The following APTX variants were observed in gnomAD, a reference collection of about 807,000 sequenced individuals.
APTX encodes aprataxin.
In APTX, 33 loss-of-function variants were observed where a neutral mutation model predicts 42.3. The observed-to-expected ratio is 0.78, with a 90% CI of 0.59 to 1.04. The LOEUF (loss-of-function observed/expected upper bound fraction) is 1.04, where lower values mean the gene tolerates loss of function less well. Ranked by LOEUF, APTX falls within the 50% of genes least tolerant of loss-of-function variation. APTX has a pLI of 0.00. For synonymous variants in APTX, 130 were observed against 146.7 expected, an observed-to-expected ratio of 0.89 and a Z score of 0.82; for missense variants, 421 against 415.1, an observed-to-expected ratio of 1.01 and a Z score of -0.12.
chr9:33,021,814 A>G (rs1207562428), intron 1 of APTX, among the ~76,000 whole-genome samples: 1 of 152,208 alleles, frequency 6.6e-6, no homozygotes, highest in African/African-American at 2.4e-5. Context: ...CAGATGGAAT[A>G]AAAAATTTAA....
chr9:33,000,506 T>G (rs568903692), intron 1 of APTX, among the ~76,000 whole-genome samples: 1 of 150,750 alleles, frequency 6.6e-6, no homozygotes, highest in Non-Finnish European at 1.5e-5. Context: ...CACACGCCTG[T>G]AATCCCAGCT....
upstream of APTX, among the ~76,000 whole-genome samples, chr9:33,001,904 T>G (rs1186750616): frequency 5.3e-5 from 8 of 152,164 alleles, no homozygotes; most frequent in African/African-American, 1.9e-4. Context: ...TGTGGACGTT[T>G]CTAGGTGGCT....
intron 1 of APTX, among the ~76,000 whole-genome samples, chr9:32,999,821 A>C (rs955196465): frequency 1.6e-4 from 25 of 152,262 alleles, no homozygotes; most frequent in Non-Finnish European, 2.5e-4. Flanking sequence ...TAAAAAATAC[A>C]AAAAATTAGC....
Position 32,973,544 on chromosome 9 carries a change from G to A in APTX, c.983C>T (p.Ser328Phe). The A allele has an allele frequency of 3.7e-6, 6 of 1,614,072 alleles. No homozygotes were observed. Among genetic ancestry groups the A allele is most frequent in the Non-Finnish European group, 5.1e-6 (6 of 1,180,024 alleles). The change falls in exon 8 of 8, where the codon TCC becomes TTC. Residue 328 changes from serine to phenylalanine, a missense_variant. By Grantham distance (155) the Ser-to-Phe change is radical (BLOSUM62 -2). Coordinates refer to ENST00000379817, the MANE Select transcript of APTX (RefSeq NM_001195248.2). ...RCHECQQLLP[S>F]IPQLKEHLRK... ...GAGATGTTCTTTCAGCTGAGGAATGGAAGGCAGCAGCTGCTGGCACTCATG... is the reference window on the plus strand; with the variant it reads ...GAGATGTTCTTTCAGCTGAGGAATGAAAGGCAGCAGCTGCTGGCACTCATG...
At position 33,018,164 on chromosome 9, in the gene APTX, G is replaced by A. The variant is rs1264213854; in HGVS notation, c.-5+6859C>T. ...CTCACTCTGTCACCCAGGCTGGAGC[G>A]CGGTGGCACGATCTCAGCTTACTGC... is the stretch of plus-strand genomic sequence containing the variant. On this transcript the variant is annotated intron_variant, in intron 1 of 6. Transcript: ENST00000436040. Among the ~76,000 whole-genome samples the A allele has an allele frequency of 1.1e-4, 17 of 150,006 alleles. No homozygotes were observed. The East Asian group carries it at 1.2e-3, about 11-fold the overall frequency.
chr9:33,017,776 G>A (rs1299007707), intron 1 of APTX, among the ~76,000 whole-genome samples: 1 of 152,062 alleles, frequency 6.6e-6, no homozygotes, highest in Non-Finnish European at 1.5e-5. Context: ...CTTTGGTTAG[G>A]GTTTTTTTAT....
chr9:32,987,646 A>G lies in APTX; in HGVS notation c.381T>C (p.Asp127=). Reference sequence around the variant, plus strand: ...TCCCAGCCTCAGCTTCCTGAGCAGCATCCCTTTCTATAGAATCACTGTTGC... The same window carrying G: ...TCCCAGCCTCAGCTTCCTGAGCAGCGTCCCTTTCTATAGAATCACTGTTGC... ...RSGNSDSIER[D]AAQEAEAGTG... is the part of the protein sequence containing the mutation. Residue 127 remains aspartate (D), a synonymous_variant, in exon 4 of 8, where the codon GAT becomes GAC. Coordinates refer to ENST00000379817, the MANE Select transcript of APTX (RefSeq NM_001195248.2). The G allele has an allele frequency of 6.2e-7, 1 of 1,614,158 alleles. No individual in the cohort carries two copies. Among genetic ancestry groups the G allele is most frequent in the Non-Finnish European group, 8.5e-7 (1 of 1,180,022 alleles).
At chr9:32,997,452 C>A (rs931766562) in intron 1 of APTX, 1 of 152,124 alleles carries the variant, frequency 6.6e-6, no homozygotes, top group Non-Finnish European at 1.5e-5. Flanking sequence ...AGTACCCAAC[C>A]GAGATTGGGA....
At chr9:33,014,372 A>AAAATATCTAAAAAAAATCTACCAT in intron 1 of APTX, among the ~76,000 whole-genome samples, 1 of 152,392 alleles carries the variant, frequency 6.6e-6, no homozygotes, top group East Asian at 1.9e-4. Context: ...TCTAAAGGGC[A>AAAATATCTAAAAAAAATCTACCAT]GTTTATTAGA....
intron 1 of APTX, among the ~76,000 whole-genome samples, chr9:33,022,275 T>C (rs1055568174): frequency 6.6e-6 from 1 of 152,098 alleles, no homozygotes; most frequent in African/African-American, 2.4e-5. Flanking sequence ...AATGGTAAAA[T>C]AATATGAACA....
intron 6 of APTX, among the ~76,000 whole-genome samples, chr9:32,983,061 C>T (rs1831069994): frequency 1.3e-5 from 2 of 152,090 alleles, no homozygotes; most frequent in African/African-American, 2.4e-5. Flanking sequence ...CCTTCCAACT[C>T]AACCTCCCAA....
chr9:33,009,388 A>G (rs769114822), intron 1 of APTX, among the ~76,000 whole-genome samples: 3 of 152,042 alleles, frequency 2.0e-5, no homozygotes, highest in Non-Finnish European at 2.9e-5. Flanking sequence ...CCCCACCCCA[A>G]TACATCAGTA....
At position 32,973,061 on chromosome 9, in the gene APTX, C is replaced by G. The variant is rs143023388; in HGVS notation, c.*437G>C. The G allele has an allele frequency of 7.0e-4, 318 of 454,726 alleles. 1 individual carries two copies. Among genetic ancestry groups the G allele is most frequent in the African/African-American group, 6.0e-3 (299 of 50,152 alleles). The allele number at this position is 454,726 out of a possible 1,614,324, so 28.2% of individuals were successfully genotyped here. A position where few individuals can be genotyped will look rare whatever the true frequency, so the allele number is the denominator to read the frequency against. ...AAAACAGACTAACAGAAAACAAGAC[C>G]CATCAGTATCTTCAGGATAAACAAG... On this transcript the variant is annotated 3_prime_UTR_variant, in exon 8 of 8. Coordinates refer to ENST00000379817, the MANE Select transcript of APTX (RefSeq NM_001195248.2).
At position 33,020,172 on chromosome 9, in the gene APTX, G is replaced by T. The variant is rs1210849778; in HGVS notation, c.-5+4851C>A. The stretch of plus-strand genomic sequence containing the variant: ...CGACTCCTTTTCTTTGTAAACTAAA[G>T]AAAAAAGTATAGCTGTAGTTGTACT... On this transcript the variant is annotated intron_variant, in intron 1 of 6. Coordinates refer to the APTX transcript ENST00000436040. 8 of 300,100 alleles carry T rather than the reference G, an allele frequency of 2.7e-5. No homozygotes were observed. The East Asian group carries it at 2.7e-4, about 10-fold the overall frequency. The allele number at this position is 300,100 out of a possible 1,614,324, so 18.6% of individuals were successfully genotyped here.
chr9:32,975,541 T>C (rs2118309002), intron 6 of APTX, among the ~76,000 whole-genome samples: 1 of 152,102 alleles, frequency 6.6e-6, no homozygotes, highest in East Asian at 1.9e-4. Context: ...CTACTAAAAA[T>C]ACAAAAAACT....
upstream of APTX, among the ~76,000 whole-genome samples, chr9:33,004,066 T>C (rs1836947279): frequency 6.6e-6 from 1 of 152,250 alleles, no homozygotes; most frequent in African/African-American, 2.4e-5. Context: ...GTCGTACATA[T>C]ACACCACAGA....
intron 1 of APTX, among the ~76,000 whole-genome samples, chr9:32,998,679 A>G (rs1262504221): frequency 6.6e-6 from 1 of 151,738 alleles, no homozygotes; most frequent in Non-Finnish European, 1.5e-5. Flanking sequence ...ATGAGAACAC[A>G]TGGGCAGAGG....
intron 1 of APTX, among the ~76,000 whole-genome samples, chr9:33,018,789 G>C (rs1016719491): frequency 6.6e-6 from 1 of 152,162 alleles, no homozygotes; most frequent in African/African-American, 2.4e-5. Context: ...TGAGGCAGGA[G>C]AATTGCTGGA....
intron 5 of APTX, among the ~76,000 whole-genome samples, chr9:32,985,607 A>T (rs1361669761): frequency 6.6e-6 from 1 of 152,120 alleles, no homozygotes; most frequent in Non-Finnish European, 1.5e-5. Flanking sequence ...AAGTGCTGGG[A>T]TTACAGGGAT....
Sources: gnomAD v4.1 joint callset for allele counts (sites outside exome capture counted in the v4.1 genomes callset) on GRCh38, gnomAD v4.1.1 for gene constraint, MANE v1.5 for transcripts, NCBI Gene and HGNC (gene_info 2026-07-23, HGNC 2026-07-21) for gene names.